MORF4L2: variants seen among roughly 807,000 people sequenced by gnomAD.
MORF4L2 encodes the protein mortality factor 4 like 2.
A neutral mutation model predicts 12.0 loss-of-function variants in MORF4L2; 1 was observed. The observed-to-expected ratio is 0.08, with a 90% CI of 0.03 to 0.40. MORF4L2 has a LOEUF of 0.40. Ranked by LOEUF, MORF4L2 falls within the 10% of genes least tolerant of loss-of-function variation. The pLI, the probability that MORF4L2 is intolerant of heterozygous loss-of-function variation, is 0.98. For missense variants in MORF4L2, 123 were observed against 214.0 expected (o/e 0.57, Z 2.65); for synonymous variants, 69 against 81.6 (o/e 0.85, Z 0.83).
chrX:103,682,047 T>C (rs1216447897), intron 2 of MORF4L2, among the ~76,000 whole-genome samples: 1 of 111,731 alleles, frequency 9.0e-6, no homozygotes, highest in Non-Finnish European at 1.9e-5. Flanking sequence ...AAAATGTAAC[T>C]TTAAAGACTC....
rs1308344952 is a variant in MORF4L2 at position 103,686,667 on chromosome X, T to C, written c.-304A>G. ...ATCCAGATCTTCCCAGCAGCCGACG[T>C]GTGATCACTGCCGTTCCTCCAACCG... On this transcript the variant is annotated 5_prime_UTR_variant, in exon 1 of 4. Coordinates refer to ENST00000441076, the MANE Select transcript of MORF4L2 (RefSeq NM_012286.3). The C allele has an allele frequency of 1.1e-5, 1 of 93,464 alleles. No homozygotes were observed. Among genetic ancestry groups the C allele is most frequent in the Admixed American group, 1.4e-4 (1 of 7,406 alleles). 7.7% of individuals were successfully genotyped at this position (93,464 alleles called of 1,213,427 possible). A position where few individuals can be genotyped will look rare whatever the true frequency, so the allele number is the denominator to read the frequency against.
chrX:103,679,879 A>G (rs1427149617), intron 2 of MORF4L2, among the ~76,000 whole-genome samples: 6 of 96,552 alleles, frequency 6.2e-5, no homozygotes, highest in South Asian at 5.4e-4. Context: ...AAAAAAAAAA[A>G]AAAAAAGAAA....
chrX:103,683,603 C>T (rs776478665), intron 2 of MORF4L2, among the ~76,000 whole-genome samples: 2 of 112,237 alleles, frequency 1.8e-5, no homozygotes, highest in East Asian at 5.6e-4. Context: ...ATGTGATTAA[C>T]GTTTTATAAT....
At chrX:103,686,337 G>T (rs1045164140) in intron 1 of MORF4L2, among the ~76,000 whole-genome samples, 1 of 111,473 alleles carries the variant, frequency 9.0e-6, no homozygotes, top group Admixed American at 9.5e-5. Context: ...TCTATTACGC[G>T]TATTATTTAT....
At chrX:103,678,906 G>A (rs921947813) in intron 2 of MORF4L2, among the ~76,000 whole-genome samples, 2 of 111,845 alleles carry the variant, frequency 1.8e-5, no homozygotes, top group African/African-American at 6.5e-5. Flanking sequence ...GCCTTCACAG[G>A]TTCCTGTGAG....
chrX:103,682,736 CTTTCT>C (rs1285447211), intron 2 of MORF4L2, among the ~76,000 whole-genome samples: 5 of 112,025 alleles, frequency 4.5e-5, no homozygotes, highest in South Asian at 3.7e-4. Flanking sequence ...CAAACCATCA[CTTTCT>C]TTTGTCTAAC....
chrX:103,685,733 CA>C (rs946906158), intron 1 of MORF4L2, among the ~76,000 whole-genome samples: 3 of 110,029 alleles, frequency 2.7e-5, no homozygotes, highest in Admixed American at 9.7e-5. Flanking sequence ...TATCACTCAG[CA>C]AAAAAATATT....
chrX:103,683,500 A>T (rs1483896186), intron 2 of MORF4L2, among the ~76,000 whole-genome samples: 3 of 112,657 alleles, frequency 2.7e-5, no homozygotes, highest in Non-Finnish European at 1.9e-5. Flanking sequence ...TTGTAAATGG[A>T]TGGCTACACT....
intron 2 of MORF4L2, among the ~76,000 whole-genome samples, chrX:103,679,762 A>G (rs751360049): frequency 9.6e-6 from 1 of 104,677 alleles, no homozygotes; most frequent in South Asian, 4.5e-4. Context: ...GAAAAAGCCC[A>G]GCAGCCATTC....
At chrX:103,683,694 T>C (rs1203286497) in intron 2 of MORF4L2, among the ~76,000 whole-genome samples, 1 of 112,365 alleles carries the variant, frequency 8.9e-6, no homozygotes. Context: ...GCCCAATTTT[T>C]CAGTTAATCA....
upstream of MORF4L2, chrX:103,687,198 G>A (rs770806874): frequency 2.8e-5 from 3 of 109,089 alleles, no homozygotes; most frequent in Admixed American, 2.9e-4. Context: ...GCGGAAATAG[G>A]ATAGGCGGAA....
Position 103,685,260 on chromosome X carries a change from C to T in MORF4L2, c.-267G>A, listed in dbSNP as rs1188901047. 1 of 110,848 alleles carries T rather than the reference C, an allele frequency of 9.0e-6. No homozygotes were observed. The highest frequency in any genetic ancestry group is 1.9e-5 in the Non-Finnish European group (1 of 53,000). The allele number at this position is 110,848 out of a possible 1,213,427, so 9.1% of individuals were successfully genotyped here. ...GCAAACTTAGCTTTTCTGATGGTGA[C>T]CTAGAAGGTCAAACAAAAGGACAAG... On this transcript the variant is annotated splice_region_variant and 5_prime_UTR_variant, in exon 2 of 4. Transcript: ENST00000441076.
At chrX:103,687,285 C>T (rs191474299), upstream of MORF4L2, 9 of 111,685 alleles carry the variant, frequency 8.1e-5, no homozygotes, top group East Asian at 2.3e-3. Flanking sequence ...GGCGCAACTC[C>T]CCGAACACGG....
chrX:103,684,201 G>T lies in MORF4L2; in HGVS notation c.-178+970C>A, dbSNP rs145679762. Among the ~76,000 whole-genome samples, 136 of 111,632 alleles carry T rather than the reference G, an allele frequency of 1.2e-3. 4 individuals are homozygous for T. In the East Asian group the frequency reaches 0.032, roughly 26 times the overall value. ...ATTTTGTTGGAATAAACCTTTAAATGCACATATACCATATCAGTTACATTC... is the reference window on the plus strand; with the variant it reads ...ATTTTGTTGGAATAAACCTTTAAATTCACATATACCATATCAGTTACATTC... On this transcript the variant is annotated intron_variant, in intron 2 of 3. Coordinates refer to ENST00000441076, the MANE Select transcript of MORF4L2 (RefSeq NM_012286.3).
intron 2 of MORF4L2, among the ~76,000 whole-genome samples, chrX:103,683,604 G>A (rs993253182): frequency 1.8e-5 from 2 of 111,950 alleles, no homozygotes; most frequent in Non-Finnish European, 3.8e-5. Context: ...TGTGATTAAC[G>A]TTTTATAATA....
intron 2 of MORF4L2, among the ~76,000 whole-genome samples, chrX:103,681,715 C>T (rs1184754114): frequency 1.8e-5 from 2 of 111,475 alleles, no homozygotes; most frequent in African/African-American, 3.3e-5. Context: ...GCCTCATGCT[C>T]TGACCAGTAC....
chrX:103,685,444 T>C (rs2074076074), intron 1 of MORF4L2, 184 bp from the exon 2 acceptor site: 1 of 112,528 alleles, frequency 8.9e-6, no homozygotes, highest in Admixed American at 9.4e-5. Context: ...ATTGTACATT[T>C]GTATAATTTC....
chrX:103,680,195 C>T (rs887516771), intron 2 of MORF4L2, among the ~76,000 whole-genome samples: 1 of 112,362 alleles, frequency 8.9e-6, no homozygotes, highest in Non-Finnish European at 1.9e-5. Flanking sequence ...AACAAACAAA[C>T]AAATAAATAA....
intron 2 of MORF4L2, among the ~76,000 whole-genome samples, chrX:103,683,909 A>T (rs2074042262): frequency 9.1e-6 from 1 of 110,494 alleles, no homozygotes; most frequent in South Asian, 3.8e-4. Context: ...GCCCCTAATC[A>T]TTCTCTAAAT....
Sources: allele counts gnomAD v4.1 joint callset (sites outside exome capture counted in the v4.1 genomes callset), GRCh38; gene constraint gnomAD v4.1.1; transcripts MANE v1.5; gene names NCBI Gene and HGNC (gene_info 2026-07-23, HGNC 2026-07-21).